PRKG1: variants seen among roughly 807,000 people sequenced by gnomAD.
The protein encoded by PRKG1 is cGMP-dependent protein kinase 1.
A neutral mutation model predicts 88.1 loss-of-function variants in PRKG1; 35 were observed. The observed-to-expected ratio is 0.40, with a 90% CI of 0.30 to 0.53. The LOEUF (loss-of-function observed/expected upper bound fraction) is 0.53, where lower values mean the gene tolerates loss of function less well. Among genes scored for constraint, PRKG1 ranks in the 20% least tolerant of loss-of-function variants. The pLI is 0.59. For synonymous variants in PRKG1, 303 were observed against 292.5 expected, an observed-to-expected ratio of 1.04 and a Z score of -0.37; for missense variants, 540 against 839.8, an observed-to-expected ratio of 0.64 and a Z score of 4.41.
At chr10:51,208,096 T>C (rs1030850921) in intron 2 of PRKG1, among the ~76,000 whole-genome samples, 5 of 152,168 alleles carry the variant, frequency 3.3e-5, no homozygotes, top group Admixed American at 2.6e-4. Context: ...AAAGTGTCAA[T>C]TACCTAGGTA....
chr10:51,912,918 CTTCTA>C (rs1043879301), intron 5 of PRKG1, among the ~76,000 whole-genome samples: 14 of 151,660 alleles, frequency 9.2e-5, no homozygotes, highest in Non-Finnish European at 1.6e-4. Context: ...AAAAATTCAA[CTTCTA>C]TTTTATTTTA....
intron 7 of PRKG1, among the ~76,000 whole-genome samples, chr10:52,095,774 TGGA>T (rs1398441370): frequency 6.6e-6 from 1 of 152,218 alleles, no homozygotes; most frequent in Non-Finnish European, 1.5e-5. Flanking sequence ...GTGAGTACTT[TGGA>T]GATACATTGT....
chr10:51,605,115 C>T (rs965747232), intron 3 of PRKG1, among the ~76,000 whole-genome samples: 1 of 152,164 alleles, frequency 6.6e-6, no homozygotes, highest in African/African-American at 2.4e-5. Context: ...TCGGCATCTG[C>T]GTTGTTCTGC....
intron 3 of PRKG1, among the ~76,000 whole-genome samples, chr10:51,628,006 CTCTCTTTCTTTCTT>C (rs796572615): frequency 0.015 from 780 of 51,526 alleles, 28 homozygotes; most frequent in East Asian, 0.027. Context: ...CTCTCTCTCT[CTCTCTTTCTTTCTT>C]TCTTTCTTTC....
At chr10:52,135,687 G>A (rs965874882) in intron 8 of PRKG1, among the ~76,000 whole-genome samples, 9 of 152,034 alleles carry the variant, frequency 5.9e-5, no homozygotes, top group African/African-American at 1.7e-4. Context: ...CAGTTTGGTA[G>A]GTACGATGAC....
intron 3 of PRKG1, among the ~76,000 whole-genome samples, chr10:51,518,801 T>G (rs1191193721): frequency 6.6e-6 from 1 of 152,238 alleles, no homozygotes; most frequent in Non-Finnish European, 1.5e-5. Context: ...GGCTCATTAA[T>G]TCTGTGTTCC....
intron 5 of PRKG1, among the ~76,000 whole-genome samples, chr10:52,015,980 G>A (rs970222953): frequency 6.6e-6 from 1 of 152,148 alleles, no homozygotes; most frequent in Non-Finnish European, 1.5e-5. Context: ...CAGCATTTTG[G>A]TCAAAACCAT....
chr10:51,208,334 G>T (rs1838117546), intron 2 of PRKG1, among the ~76,000 whole-genome samples: 1 of 152,148 alleles, frequency 6.6e-6, no homozygotes, highest in African/African-American at 2.4e-5. Flanking sequence ...AATTGTTATG[G>T]TTTAGGAAAG....
intron 5 of PRKG1, among the ~76,000 whole-genome samples, chr10:52,033,120 G>GA (rs1845512575): frequency 6.6e-6 from 1 of 152,124 alleles, no homozygotes; most frequent in Non-Finnish European, 1.5e-5. Context: ...ACTTGGGATG[G>GA]ATATATGAGC....
intron 2 of PRKG1, among the ~76,000 whole-genome samples, chr10:51,321,639 G>A (rs1013374519): frequency 1.3e-5 from 2 of 152,046 alleles, no homozygotes; most frequent in African/African-American, 2.4e-5. Context: ...GCGGGGGGAT[G>A]GTTAATGGGT....
At chr10:51,439,752 C>T (rs951379944) in intron 2 of PRKG1, among the ~76,000 whole-genome samples, 2 of 151,864 alleles carry the variant, frequency 1.3e-5, no homozygotes, top group Non-Finnish European at 2.9e-5. Context: ...TTTTGAAGAA[C>T]CCAGATGCCA....
chr10:52,179,092 T>C (rs1400196460), intron 9 of PRKG1, among the ~76,000 whole-genome samples: 1 of 152,126 alleles, frequency 6.6e-6, no homozygotes, highest in Admixed American at 6.6e-5. Context: ...CCTTTCTTCC[T>C]CCCTTGTTTA....
intron 5 of PRKG1, among the ~76,000 whole-genome samples, chr10:51,974,762 G>A (rs986417844): frequency 4.6e-5 from 7 of 152,048 alleles, no homozygotes; most frequent in African/African-American, 1.4e-4. Context: ...CAAAGGAATT[G>A]GCTTGTATCT....
intron 3 of PRKG1, among the ~76,000 whole-genome samples, chr10:51,772,150 AAC>A (rs1838320247): frequency 1.3e-5 from 2 of 152,296 alleles, no homozygotes; most frequent in South Asian, 4.1e-4. Context: ...TGAGAAAATG[AAC>A]ACTCTTGTAG....
intron 2 of PRKG1, among the ~76,000 whole-genome samples, chr10:51,450,819 G>A (rs1437873094): frequency 1.3e-5 from 2 of 150,828 alleles, no homozygotes; most frequent in Non-Finnish European, 3.0e-5. Flanking sequence ...TGAATGAGTG[G>A]AGAGAAGAAA....
At chr10:51,621,007 G>GTATATATATATATATATATATATATA (rs370817382) in intron 3 of PRKG1, among the ~76,000 whole-genome samples, 4 of 122,178 alleles carry the variant, frequency 3.3e-5, no homozygotes, top group East Asian at 3.1e-4. Context: ...GTGTATATGT[G>GTATATATATATATATATATATATATA]TGTATATATA....
At chr10:52,293,137 A>G (rs1842296822) in intron 17 of PRKG1, among the ~76,000 whole-genome samples, 1 of 149,772 alleles carries the variant, frequency 6.7e-6, no homozygotes, top group Admixed American at 6.6e-5. Context: ...AGAGAGCCAA[A>G]TCATGAGTGA....
intron 4 of PRKG1, 106 bp downstream of exon 4, chr10:51,804,796 T>A (rs1483123556): frequency 8.4e-6 from 6 of 714,198 alleles, no homozygotes; most frequent in African/African-American, 1.8e-5. Flanking sequence ...TTTCTCTCAG[T>A]CATAATAGTC....
intron 2 of PRKG1, among the ~76,000 whole-genome samples, chr10:51,429,666 G>A (rs1012046890): frequency 1.3e-5 from 2 of 152,080 alleles, no homozygotes; most frequent in African/African-American, 4.8e-5. Flanking sequence ...TGGGAGTTCT[G>A]TATTTGAGAA....
Sources: allele counts gnomAD v4.1 joint callset (sites outside exome capture counted in the v4.1 genomes callset), GRCh38; gene constraint gnomAD v4.1.1; transcripts MANE v1.5; gene names NCBI Gene and HGNC (gene_info 2026-07-23, HGNC 2026-07-21).